The following DDB1 variants were observed in gnomAD, a reference collection of about 807,000 sequenced individuals.
The protein encoded by DDB1 is DNA damage-binding protein 1.
A neutral mutation model predicts 133.1 loss-of-function variants in DDB1; 18 were observed. The ratio of observed to expected loss-of-function variants is 0.14; its 90% CI spans 0.09 to 0.20. DDB1 has a LOEUF of 0.20. DDB1 is among the 10% of genes least tolerant of loss of function. The probability of loss-of-function intolerance (pLI) is 1.00; values close to 1 mark genes in which losing one functional copy is unlikely to be tolerated. For synonymous variants in DDB1, 580 were observed against 550.5 expected, an observed-to-expected ratio of 1.05 and a Z score of -0.75; for missense variants, 828 against 1,459.2, an observed-to-expected ratio of 0.57 and a Z score of 7.05.
At chr11:61,304,897 A>G (rs1855861011) in intron 21 of DDB1, among the ~76,000 whole-genome samples, 1 of 152,016 alleles carries the variant, frequency 6.6e-6, no homozygotes, top group Non-Finnish European at 1.5e-5. Context: ...AAAAAGGAAA[A>G]AAAAAGAAAC....
chr11:61,325,541 A>G, intron 6 of DDB1, 70 bp downstream of exon 6: 1 of 1,293,750 alleles, frequency 7.7e-7, no homozygotes, highest in South Asian at 1.3e-5. Flanking sequence ...GATAAATAAG[A>G]GAAAGGGAGG....
rs753254620 is a variant in DDB1, at chr11:61,329,541, A to G, written c.371T>C (p.Ile124Thr). 6.2e-7 allele frequency: 1 copy of G among 1,614,190 alleles called. No individual in the cohort carries two copies. Among genetic ancestry groups the G allele is most frequent in the Non-Finnish European group, 8.5e-7 (1 of 1,180,020 alleles). The change falls in exon 4 of 27, where the codon ATT (isoleucine) becomes ACT (threonine). Residue 124 changes from isoleucine to threonine, a missense_variant. Transcript: ENST00000301764. Reference sequence around the variant, plus strand: ...GCCAATCATCCGGCACTCAGGGTCAATGATGCCAATAATGCCGGTCTCTGA... The same window carrying G: ...GCCAATCATCCGGCACTCAGGGTCAGTGATGCCAATAATGCCGGTCTCTGA... Reference protein sequence around the residue: ...RPSETGIIGIIDPECRMIGLR... With the variant: ...RPSETGIIGITDPECRMIGLR...
chr11:61,325,148 C>CAA (rs34187104), intron 6 of DDB1, among the ~76,000 whole-genome samples: 2 of 138,534 alleles, frequency 1.4e-5, no homozygotes, highest in African/African-American at 2.6e-5. Context: ...AACTCCGTCT[C>CAA]AAAAAAAAAA....
At chr11:61,324,265 A>T in intron 6 of DDB1, 128 bp from the exon 7 acceptor site, 1 of 966,014 alleles carries the variant, frequency 1.0e-6, no homozygotes, top group Non-Finnish European at 1.6e-6. Context: ...AGATAACATT[A>T]CATGAAAATG....
Position 61,310,364 on chromosome 11 carries a change from G to A in DDB1, c.2332C>T (p.His778Tyr), listed in dbSNP as rs755673027. 4 of 1,613,372 alleles carry A rather than the reference G, an allele frequency of 2.5e-6. No individual in the cohort carries two copies. In the South Asian group the frequency reaches 4.4e-5, roughly 18 times the overall value. The change falls in exon 19 of 27, where the codon CAT becomes TAT. Residue 778 changes from histidine to tyrosine, a missense_variant. Transcript: ENST00000301764. ...ACCTCTTCTCCAAAGGAGGTCTCAT[G>A]AGGAGCAGTGCTGCTGGAGAACAGC... is the stretch of plus-strand genomic sequence containing the variant. ...SKLFSSSTAP[H>Y]ETSFGEEVEV...
intron 23 of DDB1, 42 bp from the exon 24 acceptor site, chr11:61,302,793 C>T (rs772013301): frequency 6.2e-7 from 1 of 1,611,792 alleles, no homozygotes; most frequent in South Asian, 1.1e-5. Flanking sequence ...CCTCCTGTTT[C>T]CACCACAGGC....
At position 61,316,308 on chromosome 11, in the gene DDB1, C is replaced by T. The variant is rs778871291; in HGVS notation, c.1387G>A (p.Val463Met). 1.5e-5 allele frequency: 24 copies of T among 1,614,048 alleles called. No homozygotes were observed. The highest frequency in any genetic ancestry group is 2.7e-5 in the African/African-American group (2 of 74,904). ...DDQQTFFCGN[V>M]AHQQLIQITS... ...ACCTGGATAAGCTGCTGATGAGCCA[C>T]GTTGCCACAGAAGAAAGTCTGCTGA... is the stretch of plus-strand genomic sequence containing the variant. The change falls in exon 12 of 27, where the codon GTG (valine) becomes ATG (methionine). Residue 463 changes from valine to methionine, a missense_variant. By Grantham distance (21) the Val-to-Met change is conservative (BLOSUM62 1). Coordinates refer to ENST00000301764, the MANE Select transcript of DDB1 (RefSeq NM_001923.5).
At chr11:61,302,792 T>C in intron 23 of DDB1, 41 bp from the exon 24 acceptor site, 2 of 1,612,338 alleles carry the variant, frequency 1.2e-6, no homozygotes, top group Non-Finnish European at 1.7e-6. Context: ...ACCTCCTGTT[T>C]CCACCACAGG....
At chr11:61,311,311 CATAACATAACACATAACATA>C (rs1467537781) in intron 18 of DDB1, 28 of 143,230 alleles carry the variant, frequency 2.0e-4, no homozygotes, top group African/African-American at 8.5e-4. Context: ...CATAACATAA[CATAACATAACACATAACATA>C]ACATAACATA....
rs1335309373 is a variant in DDB1 at position 61,300,911 on chromosome 11, C to T, written c.3237G>A (p.Glu1079=). Residue 1079 remains glutamate (E), a synonymous_variant, in exon 26 of 27, where the codon GAG becomes GAA. Transcript: ENST00000301764. ...AACCTGTGGCTGGTTCTGTCTTCCG[C>T]TCGGTGTGAAAGGATCTCCAGGTGG... ...EHSFWRSFHT[E]RKTEPATGFI... 2.5e-6 allele frequency: 4 copies of T among 1,614,196 alleles called. No individual in the cohort carries two copies. The African/African-American group carries it at 5.3e-5, about 22-fold the overall frequency.
chr11:61,309,659 AAGAAG>A (rs1855930506), intron 20 of DDB1, 132 bp downstream of exon 20: 1 of 868,852 alleles, frequency 1.2e-6, no homozygotes, highest in East Asian at 2.6e-5. Flanking sequence ...CAATCAAATA[AAGAAG>A]AGAATAGCTC....
chr11:61,315,188 T>C (rs955447392), intron 12 of DDB1: 2 of 152,240 alleles, frequency 1.3e-5, no homozygotes, highest in African/African-American at 4.8e-5. Flanking sequence ...ATATCTAAGT[T>C]CTTTACTGTG....
At chr11:61,305,554 G>A (rs749931351) in intron 21 of DDB1, among the ~76,000 whole-genome samples, 7 of 152,128 alleles carry the variant, frequency 4.6e-5, no homozygotes, top group Non-Finnish European at 1.0e-4. Flanking sequence ...CTCTATCACA[G>A]GGTAAAAGGT....
chr11:61,303,607 G>A (rs188231672), intron 22 of DDB1, among the ~76,000 whole-genome samples: 1 of 150,750 alleles, frequency 6.6e-6, no homozygotes, highest in East Asian at 1.9e-4. Context: ...GGGAGACTGA[G>A]GCAGGAGAAT....
At chr11:61,323,170 C>G in intron 7 of DDB1, 76 bp from the exon 8 acceptor site, 2 of 1,205,378 alleles carry the variant, frequency 1.7e-6, no homozygotes, top group Non-Finnish European at 2.4e-6. Context: ...ACATCTCAGA[C>G]ATCTGCTGAG....
At chr11:61,316,227 T>C (rs117063207) in intron 12 of DDB1, 58 bp downstream of exon 12, 4 of 1,461,848 alleles carry the variant, frequency 2.7e-6, no homozygotes, top group East Asian at 4.5e-5. Flanking sequence ...TGGTGCTCTG[T>C]ACTGCATCTA....
intron 10 of DDB1, among the ~76,000 whole-genome samples, chr11:61,319,893 G>A (rs1012208470): frequency 7.2e-5 from 11 of 152,086 alleles, no homozygotes; most frequent in South Asian, 2.1e-4. Flanking sequence ...TGTCTTTTTC[G>A]TTTGATCAAC....
intron 10 of DDB1, among the ~76,000 whole-genome samples, chr11:61,318,214 A>C (rs1856122412): frequency 6.6e-6 from 1 of 152,244 alleles, no homozygotes; most frequent in Admixed American, 6.5e-5. Context: ...TAAATTATGC[A>C]GATTAACAAA....
Position 61,316,578 on chromosome 11 carries a change from G to A in DDB1, c.1226-11C>T. On this transcript the variant is annotated splice_polypyrimidine_tract_variant and intron_variant, in intron 10 of 26. Coordinates refer to ENST00000301764, the MANE Select transcript of DDB1 (RefSeq NM_001923.5). The stretch of plus-strand genomic sequence containing the variant: ...GCAGTGGCCATAATCCTGGAACAAG[G>A]ACCAAGGATTCAGATGCATAGGACA... 1 of 1,613,934 alleles carries A rather than the reference G, an allele frequency of 6.2e-7. No individual in the cohort carries two copies. The highest frequency in any genetic ancestry group is 8.5e-7 in the Non-Finnish European group (1 of 1,179,964).
Sources: gnomAD v4.1 joint callset for allele counts (sites outside exome capture counted in the v4.1 genomes callset) on GRCh38, gnomAD v4.1.1 for gene constraint, MANE v1.5 for transcripts, NCBI Gene and HGNC (gene_info 2026-07-23, HGNC 2026-07-21) for gene names.